Variants in SNX25 observed in about 807,000 individuals in gnomAD.
SNX25 encodes the protein sorting nexin 25.
SNX25 carries 62 observed loss-of-function variants against 113.7 expected under a neutral mutation model. The ratio of observed to expected loss-of-function variants is 0.55; its 90% CI spans 0.44 to 0.67. SNX25 has a LOEUF of 0.67. Ranked by LOEUF, SNX25 falls within the 30% of genes least tolerant of loss-of-function variation. The probability of loss-of-function intolerance (pLI) is 0.00; values close to 1 mark genes in which losing one functional copy is unlikely to be tolerated. For missense variants in SNX25, 1,014 were observed against 1,161.0 expected, an observed-to-expected ratio of 0.87 and a Z score of 1.84; for synonymous variants, 421 against 436.2, an observed-to-expected ratio of 0.97 and a Z score of 0.43.
intron 1 of SNX25, among the ~76,000 whole-genome samples, chr4:185,239,237 T>C (rs1579415562): frequency 7.1e-6 from 1 of 141,052 alleles, no homozygotes; most frequent in Admixed American, 7.4e-5. Context: ...ATCCCAGCAC[T>C]TTGGGAGGCC....
intron 4 of SNX25, among the ~76,000 whole-genome samples, chr4:185,266,185 A>G (rs1054264421): frequency 6.6e-6 from 1 of 152,154 alleles, no homozygotes; most frequent in African/African-American, 2.4e-5. Context: ...CTCAAGTTAC[A>G]AGGATGGCTT....
At chr4:185,266,279 C>T (rs1215114485) in intron 4 of SNX25, among the ~76,000 whole-genome samples, 1 of 152,102 alleles carries the variant, frequency 6.6e-6, no homozygotes, top group East Asian at 1.9e-4. Flanking sequence ...CATCCTTTGG[C>T]AGACTAAGCT....
chr4:185,276,694 A>G (rs764872079), intron 5 of SNX25, among the ~76,000 whole-genome samples: 3 of 152,086 alleles, frequency 2.0e-5, no homozygotes, highest in African/African-American at 4.8e-5. Context: ...AGGTAAAATA[A>G]ATAGTCTCAG....
intron 6 of SNX25, among the ~76,000 whole-genome samples, chr4:185,302,410 C>G (rs530811634): frequency 6.6e-6 from 1 of 152,174 alleles, no homozygotes; most frequent in Admixed American, 6.5e-5. Flanking sequence ...TGAACCCTCC[C>G]CCTGTGGGAT....
At chr4:185,320,975 C>A in intron 8 of SNX25, 111 bp downstream of exon 8, 1 of 902,932 alleles carries the variant, frequency 1.1e-6, no homozygotes, top group East Asian at 3.0e-5. Flanking sequence ...ATATTTTAAA[C>A]CAAATATAAT....
intron 3 of SNX25, among the ~76,000 whole-genome samples, chr4:185,260,150 A>AAATCGT (rs1188569866): frequency 2.0e-5 from 3 of 152,306 alleles, no homozygotes; most frequent in African/African-American, 7.2e-5. Context: ...GTTTTTTTAA[A>AAATCGT]AATAATGTTT....
At chr4:185,244,451 C>T (rs533875663) in intron 1 of SNX25, among the ~76,000 whole-genome samples, 31 of 152,284 alleles carry the variant, frequency 2.0e-4, no homozygotes, top group Admixed American at 2.6e-4. Flanking sequence ...CCCCAAAATT[C>T]GTAAGTTGTT....
chr4:185,370,553 A>G (rs2095411342), downstream of SNX25: 21 of 1,387,432 alleles, frequency 1.5e-5, no homozygotes, highest in Non-Finnish European at 2.1e-5. Context: ...GAGTAGAAAA[A>G]ACACTAATCC....
chr4:185,230,292 T>A (rs1741642908), intron 1 of SNX25, among the ~76,000 whole-genome samples: 1 of 152,196 alleles, frequency 6.6e-6, no homozygotes, highest in African/African-American at 2.4e-5. Flanking sequence ...ATTATAATTA[T>A]CATTTTAGTT....
intron 4 of SNX25, among the ~76,000 whole-genome samples, chr4:185,266,654 G>A (rs570174528): frequency 6.6e-5 from 10 of 152,192 alleles, no homozygotes; most frequent in Admixed American, 2.6e-4. Context: ...GAGCCACCAC[G>A]CCCGGCCTTA....
At chr4:185,207,047 GC>G (rs1250573173), upstream of SNX25, among the ~76,000 whole-genome samples, 2 of 152,052 alleles carry the variant, frequency 1.3e-5, no homozygotes. Flanking sequence ...TTCTTTCTGG[GC>G]CACAGCTGAT....
downstream of SNX25, chr4:185,370,559 A>G: frequency 7.0e-7 from 1 of 1,425,200 alleles, no homozygotes; most frequent in Non-Finnish European, 9.6e-7. Context: ...AAAAAACACT[A>G]ATCCGTAAAA....
At chr4:185,378,367 T>G in the SNX25 span, 1 of 1,416,020 alleles carries the variant, frequency 7.1e-7, no homozygotes, top group Non-Finnish European at 9.2e-7. Flanking sequence ...CATTCTTTAC[T>G]AGGACACCAA....
intron 1 of SNX25, among the ~76,000 whole-genome samples, chr4:185,243,613 A>C (rs3112915): frequency 0.47 from 71,010 of 151,574 alleles, 17,699 homozygotes; most frequent in East Asian, 0.56. Context: ...AAACAAAAAA[A>C]CCCCCAAACT....
At chr4:185,371,189 G>A (rs908083913), downstream of SNX25, 10 of 167,804 alleles carry the variant, frequency 6.0e-5, no homozygotes, top group Non-Finnish European at 9.1e-5. Context: ...TCAACCTTCA[G>A]TTTGGACGTT....
intron 10 of SNX25, among the ~76,000 whole-genome samples, chr4:185,335,355 CACAACA>C (rs2095222930): frequency 6.8e-6 from 1 of 147,434 alleles, no homozygotes; most frequent in Non-Finnish European, 1.5e-5. Flanking sequence ...CACACACACA[CACAACA>C]AAAACAAAAA....
Position 185,351,539 on chromosome 4 carries a change from G to A in SNX25, c.2396G>A (p.Gly799Glu), listed in dbSNP as rs1263211197. ...PDYLKVIDVQ[G>E]KKNSFSLSSF... ...TACCTCAAGGTTATCGACGTGCAGG[G>A]GAAAAAAAATTCTTTTTCATTATCC... Residue 799 changes from glycine to glutamate, a missense_variant, in exon 14 of 19, where the codon GGG becomes GAG. Transcript: ENST00000652585. 1 of 1,613,908 alleles carries A rather than the reference G, an allele frequency of 6.2e-7. No individual in the cohort carries two copies. Among genetic ancestry groups the A allele is most frequent in the Non-Finnish European group, 8.5e-7 (1 of 1,179,964 alleles).
At chr4:185,243,312 T>C (rs1213919633) in intron 1 of SNX25, among the ~76,000 whole-genome samples, 3 of 152,210 alleles carry the variant, frequency 2.0e-5, no homozygotes, top group Non-Finnish European at 2.9e-5. Context: ...CTTTTCATCT[T>C]GTAAAGCTGA....
chr4:185,347,038 G>A (rs144500108), intron 13 of SNX25, among the ~76,000 whole-genome samples: 61 of 152,230 alleles, frequency 4.0e-4, no homozygotes, highest in Admixed American at 5.9e-4. Flanking sequence ...GAATTCCTTC[G>A]TTTCTGACTT....
Sources: allele counts gnomAD v4.1 joint callset (sites outside exome capture counted in the v4.1 genomes callset), GRCh38; gene constraint gnomAD v4.1.1; transcripts MANE v1.5; gene names NCBI Gene and HGNC (gene_info 2026-07-23, HGNC 2026-07-21).